The following CDH23 variants were observed in gnomAD, a reference collection of about 807,000 sequenced individuals.
CDH23 encodes cadherin-23.
Under a neutral mutation model 317.1 loss-of-function variants are expected in CDH23, and 189 were observed. The observed-to-expected ratio is 0.60, with a 90% confidence interval of 0.53 to 0.67. The LOEUF is 0.67. Among genes scored for constraint, CDH23 ranks in the 30% least tolerant of loss-of-function variants. The pLI is 0.00. For missense variants in CDH23, 4,401 were observed against 4,592.4 expected (o/e 0.96, Z 1.20); for synonymous variants, 1,839 against 1,876.8 (o/e 0.98, Z 0.52).
intron 9 of CDH23, among the ~76,000 whole-genome samples, chr10:71,610,654 A>G (rs1004580533): frequency 3.9e-5 from 6 of 152,196 alleles, no homozygotes; most frequent in African/African-American, 1.2e-4. Context: ...AGTGTTTGAT[A>G]AGTAGTGGCT....
chr10:71,470,193 C>T (rs1466015032), intron 3 of CDH23, among the ~76,000 whole-genome samples: 1 of 152,158 alleles, frequency 6.6e-6, no homozygotes, highest in Non-Finnish European at 1.5e-5. Flanking sequence ...TACCCTTTCA[C>T]CTTCCCACTG....
At chr10:71,680,897 C>T (rs1303104331) in intron 17 of CDH23, among the ~76,000 whole-genome samples, 1 of 123,950 alleles carries the variant, frequency 8.1e-6, no homozygotes, top group Admixed American at 1.0e-4. Context: ...GGCTCGATCT[C>T]GGCTCATTGC....
intron 1 of CDH23, among the ~76,000 whole-genome samples, chr10:71,431,750 CT>C (rs1849381148): frequency 6.6e-6 from 1 of 152,202 alleles, no homozygotes; most frequent in Non-Finnish European, 1.5e-5. Context: ...CTTCCCCCTG[CT>C]CTATTCTCTC....
intron 38 of CDH23, chr10:71,755,178 G>T: frequency 1.4e-6 from 1 of 700,004 alleles, no homozygotes; most frequent in Non-Finnish European, 2.5e-6. Flanking sequence ...CCCGGAAATG[G>T]CATGCCTCCT....
intron 1 of CDH23, among the ~76,000 whole-genome samples, chr10:71,399,064 C>T (rs745691168): frequency 6.6e-6 from 1 of 152,210 alleles, no homozygotes; most frequent in Non-Finnish European, 1.5e-5. Context: ...ATAGCTCCCC[C>T]ACTCAACAAG....
intron 14 of CDH23, among the ~76,000 whole-genome samples, chr10:71,670,298 C>T (rs1192885210): frequency 1.3e-5 from 2 of 152,220 alleles, no homozygotes; most frequent in South Asian, 4.1e-4. Context: ...GCTGGCCCTC[C>T]GTGGCTGGCA....
At chr10:71,666,821 C>T (rs1304917791) in intron 14 of CDH23, among the ~76,000 whole-genome samples, 1 of 152,198 alleles carries the variant, frequency 6.6e-6, no homozygotes, top group Non-Finnish European at 1.5e-5. Flanking sequence ...TCCAACCCCC[C>T]AGAGCTTACA....
chr10:71,431,742 T>TC (rs1849380728), intron 1 of CDH23, among the ~76,000 whole-genome samples: 1 of 151,932 alleles, frequency 6.6e-6, no homozygotes, highest in African/African-American at 2.4e-5. Flanking sequence ...CCCTTTTCCT[T>TC]CCCCCTGCTC....
intron 9 of CDH23, among the ~76,000 whole-genome samples, chr10:71,602,272 G>A (rs985689116): frequency 6.6e-6 from 1 of 152,178 alleles, no homozygotes; most frequent in African/African-American, 2.4e-5. Context: ...TGTTCATGGA[G>A]GAAAGATGGC....
At chr10:71,445,046 C>G (rs567841713) in intron 2 of CDH23, among the ~76,000 whole-genome samples, 1 of 152,284 alleles carries the variant, frequency 6.6e-6, no homozygotes, top group East Asian at 1.9e-4. Flanking sequence ...GCCAAGCTCC[C>G]CAGCCCATGT....
chr10:71,436,101 G>A (rs571646759), intron 1 of CDH23, among the ~76,000 whole-genome samples: 5 of 152,256 alleles, frequency 3.3e-5, no homozygotes, highest in Non-Finnish European at 7.3e-5. Context: ...TAGTGTCGGT[G>A]CCACCTCACC....
intron 41 of CDH23, among the ~76,000 whole-genome samples, chr10:71,780,766 G>C (rs1765999864): frequency 1.3e-5 from 2 of 152,178 alleles, no homozygotes; most frequent in African/African-American, 4.8e-5. Context: ...GACTGTAGGG[G>C]TGAAGGAAAA....
At chr10:71,547,450 G>T (rs1312918990) in intron 6 of CDH23, among the ~76,000 whole-genome samples, 1 of 152,264 alleles carries the variant, frequency 6.6e-6, no homozygotes, top group Non-Finnish European at 1.5e-5. Context: ...GGCAGGCCAG[G>T]CAGCGCAGGT....
At chr10:71,540,428 C>T (rs1855923567) in intron 6 of CDH23, among the ~76,000 whole-genome samples, 1 of 152,208 alleles carries the variant, frequency 6.6e-6, no homozygotes. Context: ...CCGCCCCAGC[C>T]TTCCCAGACT....
intron 14 of CDH23, among the ~76,000 whole-genome samples, chr10:71,671,477 G>A (rs1317768794): frequency 2.0e-5 from 3 of 152,132 alleles, no homozygotes; most frequent in Non-Finnish European, 4.4e-5. Flanking sequence ...GGCACTCCTC[G>A]AACCCTCCTT....
intron 11 of CDH23, among the ~76,000 whole-genome samples, chr10:71,638,257 C>G (rs1381539373): frequency 2.0e-5 from 3 of 152,232 alleles, no homozygotes; most frequent in Non-Finnish European, 4.4e-5. Flanking sequence ...GAACTGTGCT[C>G]TCTTAACATT....
chr10:71,491,132 G>A (rs1322631852), intron 3 of CDH23, among the ~76,000 whole-genome samples: 1 of 152,224 alleles, frequency 6.6e-6, no homozygotes, highest in Non-Finnish European at 1.5e-5. Context: ...AGTCAGGCTG[G>A]GAGCTCCTCG....
chr10:71,782,211 C>T (rs551485959), intron 41 of CDH23, among the ~76,000 whole-genome samples: 4 of 152,332 alleles, frequency 2.6e-5, no homozygotes, highest in East Asian at 3.9e-4. Flanking sequence ...GAGCCTCTCC[C>T]GCCAGCGCCT....
chr10:71,793,225 C>T lies in CDH23; in HGVS notation c.6297C>T (p.Gly2099=). ...TCACAGCCACAGATGAGGACAGTGG[C>T]CTCAATGGGGAGCTGGTCTACCGAA... ...LQVTATDEDS[G]LNGELVYRIE... is the part of the protein sequence containing the mutation. Residue 2099 remains glycine (G), a synonymous_variant, in exon 48 of 70, where the codon GGC becomes GGT. Transcript: ENST00000224721. 1 of 1,613,746 alleles carries T rather than the reference C, an allele frequency of 6.2e-7. No individual in the cohort carries two copies. Among genetic ancestry groups the T allele is most frequent in the Non-Finnish European group, 8.5e-7 (1 of 1,179,818 alleles).
Sources: gnomAD v4.1 joint callset for allele counts (sites outside exome capture counted in the v4.1 genomes callset) on GRCh38, gnomAD v4.1.1 for gene constraint, MANE v1.5 for transcripts, NCBI Gene and HGNC (gene_info 2026-07-23, HGNC 2026-07-21) for gene names.